Variants in MAN2A1 observed in about 807,000 individuals in gnomAD.
MAN2A1 encodes the protein mannosidase alpha class 2A member 1.
In MAN2A1, 76 loss-of-function variants were observed where a neutral mutation model predicts 142.6. The ratio of observed to expected loss-of-function variants is 0.53; its 90% CI spans 0.44 to 0.65. MAN2A1 has a LOEUF of 0.65. MAN2A1 is among the 30% of genes least tolerant of loss of function. MAN2A1 has a pLI of 0.00. For synonymous variants in MAN2A1, 559 were observed against 473.2 expected (o/e 1.18, Z -2.35); for missense variants, 1,311 against 1,365.1 (o/e 0.96, Z 0.62).
chr5:109,729,325 T>C lies in MAN2A1; in HGVS notation c.536-17T>C. 6.4e-7 allele frequency: 1 copy of C among 1,570,954 alleles called. No homozygotes were observed. The highest frequency in any genetic ancestry group is 8.7e-7 in the Non-Finnish European group (1 of 1,153,132). On this transcript the variant is annotated splice_polypyrimidine_tract_variant and intron_variant, in intron 3 of 21. Coordinates refer to ENST00000261483, the MANE Select transcript of MAN2A1 (RefSeq NM_002372.4). ...ATACGAATTAGACCTTTGTGGTATA[T>C]TTGTGTCTTGATTTAGGTTGGTTGA...
intron 13 of MAN2A1, among the ~76,000 whole-genome samples, chr5:109,819,040 A>G (rs1201783528): frequency 6.6e-6 from 1 of 152,198 alleles, no homozygotes; most frequent in African/African-American, 2.4e-5. Flanking sequence ...CAATTTTATA[A>G]TAGCGTGAAA....
intron 1 of MAN2A1, among the ~76,000 whole-genome samples, chr5:109,700,777 C>T (rs1750957630): frequency 6.6e-6 from 1 of 152,210 alleles, no homozygotes; most frequent in African/African-American, 2.4e-5. Context: ...TGCCCAGTCA[C>T]AGGATACCTG....
At chr5:109,847,386 T>A (rs1755369184) in intron 18 of MAN2A1, among the ~76,000 whole-genome samples, 2 of 152,252 alleles carry the variant, frequency 1.3e-5, no homozygotes, top group African/African-American at 4.8e-5. Flanking sequence ...AATTTTGATC[T>A]GTCCTGTCTC....
At chr5:109,777,667 A>G (rs1180448299) in intron 8 of MAN2A1, among the ~76,000 whole-genome samples, 4 of 152,098 alleles carry the variant, frequency 2.6e-5, no homozygotes, top group Non-Finnish European at 5.9e-5. Context: ...TTATGAAGCT[A>G]TCCTCTAGAA....
At chr5:109,834,879 A>G (rs907669841) in intron 16 of MAN2A1, among the ~76,000 whole-genome samples, 1 of 152,220 alleles carries the variant, frequency 6.6e-6, no homozygotes, top group Admixed American at 6.5e-5. Flanking sequence ...TCTTATAATG[A>G]ATGGTAAATT....
intron 10 of MAN2A1, among the ~76,000 whole-genome samples, chr5:109,787,596 A>T (rs1753626741): frequency 6.6e-6 from 1 of 152,004 alleles, no homozygotes; most frequent in Non-Finnish European, 1.5e-5. Flanking sequence ...TACTCATCTT[A>T]TGAGAAGGCT....
chr5:109,727,190 T>C (rs1054638750), intron 3 of MAN2A1, among the ~76,000 whole-genome samples: 2 of 152,204 alleles, frequency 1.3e-5, no homozygotes, highest in African/African-American at 4.8e-5. Context: ...CATAGCAAAG[T>C]ACCAGACTAA....
chr5:109,731,250 A>G (rs1012181382), intron 4 of MAN2A1, among the ~76,000 whole-genome samples: 5 of 151,838 alleles, frequency 3.3e-5, no homozygotes, highest in Non-Finnish European at 7.4e-5. Flanking sequence ...TTATTTTGAA[A>G]TATATGATAC....
At chr5:109,702,743 A>T (rs999562205) in intron 1 of MAN2A1, among the ~76,000 whole-genome samples, 1 of 152,238 alleles carries the variant, frequency 6.6e-6, no homozygotes, top group African/African-American at 2.4e-5. Context: ...CTCATCTTTG[A>T]TAACCAATGG....
At chr5:109,733,629 T>A (rs1196588538) in intron 4 of MAN2A1, among the ~76,000 whole-genome samples, 1 of 152,202 alleles carries the variant, frequency 6.6e-6, no homozygotes, top group African/African-American at 2.4e-5. Context: ...TCATGTGGTT[T>A]TTGTCTTTGG....
At chr5:109,851,248 G>A (rs1031941928) in intron 19 of MAN2A1, among the ~76,000 whole-genome samples, 2 of 152,210 alleles carry the variant, frequency 1.3e-5, no homozygotes, top group South Asian at 2.1e-4. Context: ...GTGGCTGCAC[G>A]AGGTTGACCA....
chr5:109,821,833 T>C (rs181524092), intron 15 of MAN2A1, among the ~76,000 whole-genome samples: 9 of 152,250 alleles, frequency 5.9e-5, no homozygotes, highest in Non-Finnish European at 1.5e-5. Flanking sequence ...TTTTTCTTAT[T>C]GTGTCATTTA....
chr5:109,756,169 G>A (rs1752682886), intron 5 of MAN2A1, among the ~76,000 whole-genome samples: 1 of 152,110 alleles, frequency 6.6e-6, no homozygotes, highest in Non-Finnish European at 1.5e-5. Flanking sequence ...CTAAAGGCAT[G>A]AGAATGGGTC....
Position 109,712,466 on chromosome 5 carries a change from A to G in MAN2A1, c.136-1054A>G, listed in dbSNP as rs1200357514. Among the ~76,000 whole-genome samples, 5 of 152,282 alleles carry G rather than the reference A, an allele frequency of 3.3e-5. No homozygotes were observed. In the South Asian group the frequency reaches 6.2e-4, roughly 19 times the overall value. Reference sequence around the variant, plus strand: ...ACATCCCTTCCATGATAATGAATCTATCGTTTGACCAGTCCCCTACTTTTG... The same window carrying G: ...ACATCCCTTCCATGATAATGAATCTGTCGTTTGACCAGTCCCCTACTTTTG... On this transcript the variant is annotated intron_variant, in intron 1 of 21. Coordinates refer to ENST00000261483, the MANE Select transcript of MAN2A1 (RefSeq NM_002372.4).
chr5:109,819,010 A>G (rs773720381), intron 13 of MAN2A1, among the ~76,000 whole-genome samples: 2 of 152,218 alleles, frequency 1.3e-5, no homozygotes, highest in East Asian at 1.9e-4. Context: ...CTGACTTACA[A>G]TGGCTCAACC....
rs1242081590 is a variant in MAN2A1 at position 109,690,137 on chromosome 5, G to T, written c.-281G>T. On this transcript the variant is annotated 5_prime_UTR_variant, in exon 1 of 22. Coordinates refer to ENST00000261483, the MANE Select transcript of MAN2A1 (RefSeq NM_002372.4). The stretch of plus-strand genomic sequence containing the variant: ...TGCCGGAGGTCGGCGCTGAGCTTGC[G>T]ATCAAGTTTGTGGGGGCCCCCCTTC... 2 of 390,400 alleles carry T rather than the reference G, an allele frequency of 5.1e-6. No homozygotes were observed. Among genetic ancestry groups the T allele is most frequent in the East Asian group, 1.0e-4 (2 of 19,708 alleles). The allele number at this position is 390,400 out of a possible 1,614,324, so 24.2% of individuals were successfully genotyped here.
intron 16 of MAN2A1, among the ~76,000 whole-genome samples, chr5:109,834,329 C>A (rs549323074): frequency 1.3e-5 from 2 of 151,944 alleles, no homozygotes; most frequent in African/African-American, 4.8e-5. Context: ...TTTAGTTAGA[C>A]CTTATTTATT....
intron 5 of MAN2A1, among the ~76,000 whole-genome samples, chr5:109,761,476 G>A (rs1752842592): frequency 6.6e-6 from 1 of 151,944 alleles, no homozygotes; most frequent in African/African-American, 2.4e-5. Context: ...ATACTGTATG[G>A]TTTTTCTCAT....
rs1755848356 is a variant in MAN2A1 at position 109,865,136 on chromosome 5, C to T, written c.3272C>T (p.Thr1091Ile). The change falls in exon 21 of 22, where the codon ACT becomes ATT. Residue 1091 changes from threonine to isoleucine, a missense_variant. By Grantham distance (89) the Thr-to-Ile change is moderately conservative (BLOSUM62 -1). Transcript: ENST00000261483. ...GGCACAGGGCTGTTTTGTTCTACTACTCAGGGAAAGGTAAGTTGAAAAGGT... is the reference window on the plus strand; with the variant it reads ...GGCACAGGGCTGTTTTGTTCTACTATTCAGGGAAAGGTAAGTTGAAAAGGT... ...SKGTGLFCST[T>I]QGKILVQKLL... 5 of 1,612,440 alleles carry T rather than the reference C, an allele frequency of 3.1e-6. No homozygotes were observed. The highest frequency in any genetic ancestry group is 3.4e-6 in the Non-Finnish European group (4 of 1,178,546).
Sources: gnomAD v4.1 joint callset for allele counts (sites outside exome capture counted in the v4.1 genomes callset) on GRCh38, gnomAD v4.1.1 for gene constraint, MANE v1.5 for transcripts, NCBI Gene and HGNC (gene_info 2026-07-23, HGNC 2026-07-21) for gene names.